ROCK1: variants seen among roughly 807,000 people sequenced by gnomAD.
ROCK1 encodes the protein Rho associated coiled-coil containing protein kinase 1, also known as rho-associated protein kinase 1.
In ROCK1, 36 loss-of-function variants were observed where a neutral mutation model predicts 196.8. The observed-to-expected ratio is 0.18, with a 90% CI of 0.14 to 0.24. ROCK1 has a LOEUF of 0.24. ROCK1 is among the 10% of genes least tolerant of loss of function. The pLI, the probability that ROCK1 is intolerant of heterozygous loss-of-function variation, is 1.00. For missense variants in ROCK1, 920 were observed against 1,562.0 expected (o/e 0.59, Z 6.93); for synonymous variants, 443 against 515.9 (o/e 0.86, Z 1.91).
chr18:21,017,788 C>G (rs1241467795), intron 12 of ROCK1, among the ~76,000 whole-genome samples: 2 of 151,540 alleles, frequency 1.3e-5, no homozygotes, highest in East Asian at 2.0e-4. Context: ...CTGGTTAACA[C>G]AGTGAAACCC....
intron 1 of ROCK1, among the ~76,000 whole-genome samples, chr18:21,080,267 G>A (rs558595072): frequency 3.9e-5 from 6 of 152,162 alleles, no homozygotes; most frequent in Admixed American, 2.6e-4. Flanking sequence ...AGAAAAACAC[G>A]GCTGGGAGGA....
In ROCK1 at chr18:20,987,883, T is replaced by C. The variant is rs1465074707; in HGVS notation, c.2144-773A>G. 2.6e-5 allele frequency among the ~76,000 whole-genome samples: 4 copies of C among 152,244 alleles called. No homozygotes were observed. The East Asian group carries it at 7.7e-4, about 29-fold the overall frequency. On this transcript the variant is annotated intron_variant, in intron 18 of 32. Coordinates refer to ENST00000399799, the MANE Select transcript of ROCK1 (RefSeq NM_005406.3). ...ACCCTTCTGTTTAATCAAACACAAA[T>C]CCATCCACTATGTTCTTCTGACTCT... is the stretch of plus-strand genomic sequence containing the variant.
intron 1 of ROCK1, among the ~76,000 whole-genome samples, chr18:21,106,524 T>C (rs2036704742): frequency 6.6e-6 from 1 of 152,202 alleles, no homozygotes; most frequent in African/African-American, 2.4e-5. Context: ...TTAACTAAAC[T>C]CCATCCCTTA....
Position 20,991,088 on chromosome 18 carries a change from TAA to T in ROCK1, c.2143+86_2143+87del, listed in dbSNP as rs2035621280. 1.5e-5 allele frequency: 15 copies of T among 996,452 alleles called. No individual in the cohort carries two copies. In the East Asian group the frequency reaches 3.6e-4, roughly 24 times the overall value. The allele number at this position is 996,452 out of a possible 1,614,324, so 61.7% of individuals were successfully genotyped here. A position where few individuals can be genotyped will look rare whatever the true frequency, so the allele number is the denominator to read the frequency against. ...AATTTATATTATACTTTCTACGAGTTAAAGAGTACAAAATTTTGACCAAAACC... is the reference window on the plus strand; with the variant it reads ...AATTTATATTATACTTTCTACGAGTTAGAGTACAAAATTTTGACCAAAACC... On this transcript the variant is annotated intron_variant, in intron 18 of 32. Coordinates refer to ENST00000399799, the MANE Select transcript of ROCK1 (RefSeq NM_005406.3).
intron 1 of ROCK1, among the ~76,000 whole-genome samples, chr18:21,076,347 T>C (rs1207162008): frequency 1.3e-5 from 2 of 151,854 alleles, no homozygotes; most frequent in Admixed American, 1.3e-4. Flanking sequence ...CTACTAAAAA[T>C]ACAAGAATTA....
chr18:20,980,809 A>G (rs1309821254), intron 21 of ROCK1, among the ~76,000 whole-genome samples: 3 of 151,110 alleles, frequency 2.0e-5, no homozygotes, highest in African/African-American at 7.3e-5. Context: ...CCAGCTACTC[A>G]GGAGGCTGAG....
At chr18:21,006,644 T>A (rs113637998) in intron 15 of ROCK1, 47 bp from the exon 16 acceptor site, 1 of 1,590,470 alleles carries the variant, frequency 6.3e-7, no homozygotes, top group Admixed American at 1.9e-5. Flanking sequence ...CAAAGTACGA[T>A]ATAATTTAAT....
At chr18:21,084,266 C>A (rs112088978) in intron 1 of ROCK1, among the ~76,000 whole-genome samples, 23,532 of 138,736 alleles carry the variant, frequency 0.17, 3,730 homozygotes, top group African/African-American at 0.42. Flanking sequence ...AAAAAAAAAA[C>A]AAACTAAACC....
intron 1 of ROCK1, among the ~76,000 whole-genome samples, chr18:21,094,497 C>T (rs977063686): frequency 5.3e-5 from 8 of 151,956 alleles, no homozygotes; most frequent in Non-Finnish European, 1.2e-4. Flanking sequence ...GCCTATAATC[C>T]CAGCACTTTG....
chr18:20,986,961 T>A lies in ROCK1; in HGVS notation c.2293A>T (p.Met765Leu). 6.3e-7 allele frequency: 1 copy of A among 1,595,352 alleles called. No homozygotes were observed. Among genetic ancestry groups the A allele is most frequent in the Non-Finnish European group, 8.5e-7 (1 of 1,174,806 alleles). Reference sequence around the variant, plus strand: ...ACTATTTTTCTTACTTCATCCTCCATCCTTTCTTTATTTCCAGTCAAATGT... The same window carrying A: ...ACTATTTTTCTTACTTCATCCTCCAACCTTTCTTTATTTCCAGTCAAATGT... ...LEHLTGNKERMEDEVKNLTLQ... is the reference protein window; with the variant it reads ...LEHLTGNKERLEDEVKNLTLQ... Residue 765 changes from methionine (M) to leucine (L), a missense_variant, in exon 19 of 33, where the codon ATG becomes TTG. Around this residue, in one of 6 missense-constraint regions of ROCK1, gnomAD observed 520 missense variants for 657.1 expected, o/e 0.79. Transcript: ENST00000399799.
chr18:21,046,159 C>G (rs1004435723), intron 4 of ROCK1, among the ~76,000 whole-genome samples: 3 of 152,088 alleles, frequency 2.0e-5, no homozygotes, highest in South Asian at 2.1e-4. Flanking sequence ...ATCCGCCCAC[C>G]CTGGCCTCCC....
chr18:20,969,079 G>GATTTA (rs2035401435), intron 24 of ROCK1, 36 bp downstream of exon 24: 1 of 1,328,210 alleles, frequency 7.5e-7, no homozygotes, highest in South Asian at 1.2e-5. Context: ...CACTGAATTT[G>GATTTA]ATTTAACATG....
intron 1 of ROCK1, among the ~76,000 whole-genome samples, chr18:21,098,632 T>A: frequency 3.1e-5 from 1 of 32,086 alleles, no homozygotes; most frequent in African/African-American, 5.1e-5. Flanking sequence ...ACATGAAAAA[T>A]TGCAAAAAAA....
intron 27 of ROCK1, among the ~76,000 whole-genome samples, chr18:20,960,491 G>A (rs1436490650): frequency 2.0e-5 from 3 of 151,930 alleles, no homozygotes; most frequent in Non-Finnish European, 4.4e-5. Context: ...AGACTGGAAT[G>A]GATTGCAGCT....
rs2035170590 is a variant in ROCK1 at position 20,950,109 on chromosome 18, A to T, written c.*1275T>A. 1 of 152,690 alleles carries T rather than the reference A, an allele frequency of 6.5e-6. No homozygotes were observed. The highest frequency in any genetic ancestry group is 2.1e-4 in the South Asian group (1 of 4,836). 9.5% of individuals were successfully genotyped at this position (152,690 alleles called of 1,614,324 possible). ...TGGTTAAAAAAATAAACAATAAATC[A>T]TACTGTCCATATGAATCAACTCTTG... On this transcript the variant is annotated 3_prime_UTR_variant, in exon 33 of 33. Coordinates refer to ENST00000399799, the MANE Select transcript of ROCK1 (RefSeq NM_005406.3).
At chr18:21,100,583 A>T (rs1305708283) in intron 1 of ROCK1, among the ~76,000 whole-genome samples, 1 of 152,012 alleles carries the variant, frequency 6.6e-6, no homozygotes, top group Admixed American at 6.6e-5. Flanking sequence ...GATGCCAAAA[A>T]TTTAAAAAAA....
chr18:20,958,218 T>G (rs1482521855), intron 29 of ROCK1, among the ~76,000 whole-genome samples: 2 of 152,094 alleles, frequency 1.3e-5, no homozygotes, highest in African/African-American at 4.8e-5. Flanking sequence ...AGCTGTTTAT[T>G]AAAAAAACAG....
chr18:21,057,868 A>G (rs1236794895), intron 2 of ROCK1, among the ~76,000 whole-genome samples: 2 of 152,148 alleles, frequency 1.3e-5, no homozygotes, highest in African/African-American at 2.4e-5. Flanking sequence ...TCAACTTTAT[A>G]CCCAGTAAAT....
At chr18:21,007,449 T>C (rs2035777974) in intron 14 of ROCK1, among the ~76,000 whole-genome samples, 1 of 152,212 alleles carries the variant, frequency 6.6e-6, no homozygotes, top group South Asian at 2.1e-4. Context: ...TTATGTTTCA[T>C]ATATGTATTA....
Sources: allele counts gnomAD v4.1 joint callset (sites outside exome capture counted in the v4.1 genomes callset), GRCh38; gene constraint gnomAD v4.1.1; regional missense constraint gnomAD v4.1.1; transcripts MANE v1.5; gene names NCBI Gene and HGNC (gene_info 2026-07-23, HGNC 2026-07-21).